The following GLIS3 variants were observed in gnomAD, a reference collection of about 807,000 sequenced individuals.
The protein encoded by GLIS3 is GLIS family zinc finger 3.
GLIS3 carries 53 observed loss-of-function variants against 78.6 expected under a neutral mutation model. The ratio of observed to expected loss-of-function variants is 0.67; its 90% CI spans 0.54 to 0.85. The LOEUF (loss-of-function observed/expected upper bound fraction) is 0.85, where lower values mean the gene tolerates loss of function less well. Among genes scored for constraint, GLIS3 ranks in the 40% least tolerant of loss-of-function variants. The probability of loss-of-function intolerance (pLI) is 0.00; values close to 1 mark genes in which losing one functional copy is unlikely to be tolerated. For missense variants in GLIS3, 1,703 were observed against 1,231.1 expected (o/e 1.38, Z -5.74); for synonymous variants, 684 against 509.9 (o/e 1.34, Z -4.60).
chr9:4,121,787 A>G (rs1034434063), intron 3 of GLIS3, among the ~76,000 whole-genome samples: 1 of 152,214 alleles, frequency 6.6e-6, no homozygotes, highest in African/African-American at 2.4e-5. Flanking sequence ...GCTCTGCTTA[A>G]TTGAAAGACC....
chr9:3,997,422 A>C (rs1212463983), intron 4 of GLIS3, among the ~76,000 whole-genome samples: 1 of 152,080 alleles, frequency 6.6e-6, no homozygotes, highest in East Asian at 1.9e-4. Context: ...ACATTCAATA[A>C]ACAGAAAAGC....
At chr9:4,181,777 T>A (rs1441184485) in intron 2 of GLIS3, among the ~76,000 whole-genome samples, 1 of 152,146 alleles carries the variant, frequency 6.6e-6, no homozygotes, top group Admixed American at 6.5e-5. Context: ...AGTCCTGTGA[T>A]CACTAGGCAA....
In GLIS3 at chr9:3,894,584, T is replaced by C. The variant is rs568693655; in HGVS notation, c.2128+4107A>G. On this transcript the variant is annotated intron_variant, in intron 7 of 10. Transcript: ENST00000381971. ...TGCTATTTCTTACAAAAAGTAATGA[T>C]ATTGTAAGAGAGAAGCCGTCACCTC... 3.3e-5 allele frequency among the ~76,000 whole-genome samples: 5 copies of C among 152,162 alleles called. No homozygotes were observed. The East Asian group carries it at 5.8e-4, about 18-fold the overall frequency.
chr9:4,319,878 TAATG>T (rs1359718507), intron 2 of GLIS3, among the ~76,000 whole-genome samples: 1 of 152,166 alleles, frequency 6.6e-6, no homozygotes, highest in Non-Finnish European at 1.5e-5. Flanking sequence ...AAACTAATAT[TAATG>T]AATGATTTAG....
chr9:4,481,042 G>C, the GLIS3 span, among the ~76,000 whole-genome samples: 1 of 151,910 alleles, frequency 6.6e-6, no homozygotes, highest in Non-Finnish European at 1.5e-5. Flanking sequence ...TTTTTGTAGA[G>C]ACAGGGTTTT....
At chr9:4,338,969 C>T (rs759325859) in intron 2 of GLIS3, among the ~76,000 whole-genome samples, 54 of 152,106 alleles carry the variant, frequency 3.6e-4, no homozygotes, top group Non-Finnish European at 6.2e-4. Context: ...CAAAATGAGA[C>T]GGCTTTATGT....
At chr9:3,835,366 C>T (rs1380283151) in intron 9 of GLIS3, among the ~76,000 whole-genome samples, 3 of 152,158 alleles carry the variant, frequency 2.0e-5, no homozygotes, top group Admixed American at 2.0e-4. Flanking sequence ...AGAATTTCCC[C>T]CTCCAGAGTG....
At chr9:4,180,299 C>T (rs1369185555) in intron 2 of GLIS3, among the ~76,000 whole-genome samples, 3 of 152,144 alleles carry the variant, frequency 2.0e-5, no homozygotes, top group Non-Finnish European at 1.5e-5. Flanking sequence ...GATCCTACCC[C>T]ATTCACATTC....
In GLIS3 at chr9:3,953,779, C is replaced by A. The variant is rs1563886433; in HGVS notation, c.1711-16590G>T. 8.4e-3 allele frequency among the ~76,000 whole-genome samples: 325 copies of A among 38,816 alleles called. 2 individuals carry two copies. The highest frequency in any genetic ancestry group is 0.03 in the African/African-American group (308 of 10,110). 25.5% of individuals were successfully genotyped at this position (38,816 alleles called of 152,430 possible). A position where few individuals can be genotyped will look rare whatever the true frequency, so the allele number is the denominator to read the frequency against. On this transcript the variant is annotated intron_variant, in intron 4 of 10. Coordinates refer to ENST00000381971, the MANE Select transcript of GLIS3 (RefSeq NM_001042413.2). ...AGATTTGCTCTCTCTCTCTCTCTCT[C>A]TCTCTCTCTCTCTCTCTATATATAT...
chr9:4,338,443 T>A (rs1817787215), intron 2 of GLIS3, among the ~76,000 whole-genome samples: 1 of 151,984 alleles, frequency 6.6e-6, no homozygotes, highest in African/African-American at 2.4e-5. Context: ...ATTATTCTTA[T>A]TCAGGATGAG....
At chr9:4,400,533 T>C in the GLIS3 span, among the ~76,000 whole-genome samples, 17 of 152,240 alleles carry the variant, frequency 1.1e-4, no homozygotes, top group African/African-American at 2.9e-4. Context: ...TTTACCTATA[T>C]TGATTTGTCA....
At chr9:3,908,943 C>G (rs1823937373) in intron 6 of GLIS3, among the ~76,000 whole-genome samples, 1 of 152,082 alleles carries the variant, frequency 6.6e-6, no homozygotes, top group African/African-American at 2.4e-5. Context: ...TAGTCTGAAG[C>G]AAGACACACT....
intron 7 of GLIS3, 139 bp downstream of exon 7, chr9:3,898,552 G>C: frequency 1.1e-6 from 1 of 906,486 alleles, no homozygotes; most frequent in Non-Finnish European, 1.8e-6. Flanking sequence ...AGAAGGGGTG[G>C]AGAGCAATTT....
At chr9:4,280,699 GGGA>G (rs1827467003) in intron 2 of GLIS3, among the ~76,000 whole-genome samples, 1 of 152,068 alleles carries the variant, frequency 6.6e-6, no homozygotes, top group Non-Finnish European at 1.5e-5. Context: ...GAACAGATCT[GGGA>G]GGAGTTGTTC....
chr9:4,034,270 G>C (rs1415008835), intron 4 of GLIS3, among the ~76,000 whole-genome samples: 1 of 151,902 alleles, frequency 6.6e-6, no homozygotes, highest in Non-Finnish European at 1.5e-5. Context: ...TTCTATCAAG[G>C]CATAATACCA....
intron 8 of GLIS3, among the ~76,000 whole-genome samples, chr9:3,874,297 A>G (rs1201195264): frequency 3.3e-5 from 5 of 152,360 alleles, no homozygotes; most frequent in African/African-American, 1.2e-4. Context: ...GACTGGGTTC[A>G]GAGAGCTTCT....
At chr9:4,247,530 C>T (rs1021207620) in intron 2 of GLIS3, among the ~76,000 whole-genome samples, 1 of 152,080 alleles carries the variant, frequency 6.6e-6, no homozygotes, top group African/African-American at 2.4e-5. Context: ...CTCTAAAGCC[C>T]ATCCACAGAT....
At chr9:4,024,293 G>A (rs1823129783) in intron 4 of GLIS3, among the ~76,000 whole-genome samples, 1 of 152,138 alleles carries the variant, frequency 6.6e-6, no homozygotes, top group African/African-American at 2.4e-5. Flanking sequence ...ATTCTAATTA[G>A]CATCACGGCT....
chr9:3,927,033 C>T (rs1340338797), intron 6 of GLIS3, among the ~76,000 whole-genome samples: 1 of 152,220 alleles, frequency 6.6e-6, no homozygotes, highest in African/African-American at 2.4e-5. Flanking sequence ...CTGTTAACAT[C>T]CGTATCAGTT....
Sources: gnomAD v4.1 joint callset for allele counts (sites outside exome capture counted in the v4.1 genomes callset) on GRCh38, gnomAD v4.1.1 for gene constraint, MANE v1.5 for transcripts, NCBI Gene and HGNC (gene_info 2026-07-23, HGNC 2026-07-21) for gene names.